Variants in NTNG1 observed in about 807,000 individuals in gnomAD.
NTNG1 encodes the protein netrin G1.
A neutral mutation model predicts 54.0 loss-of-function variants in NTNG1; 16 were observed. That is an observed-to-expected ratio of 0.30 (90% CI 0.20 to 0.45). The LOEUF (loss-of-function observed/expected upper bound fraction) is 0.45. Ranked by LOEUF, NTNG1 falls within the 20% of genes least tolerant of loss-of-function variation. NTNG1 has a pLI of 1.00. For synonymous variants in NTNG1, 255 were observed against 263.1 expected (o/e 0.97, Z 0.30); for missense variants, 530 against 678.7 (o/e 0.78, Z 2.43).
chr1:107,418,796 T>C (rs1010205492), intron 5 of NTNG1, among the ~76,000 whole-genome samples: 1 of 151,852 alleles, frequency 6.6e-6, no homozygotes, highest in South Asian at 2.1e-4. Context: ...ATATGAAGAG[T>C]GTCCCAAAAA....
chr1:107,361,759 C>T (rs978928173), intron 3 of NTNG1, among the ~76,000 whole-genome samples: 1 of 152,074 alleles, frequency 6.6e-6, no homozygotes, highest in Admixed American at 6.6e-5. Flanking sequence ...ATTTTTGACA[C>T]TCGGGAAATG....
In NTNG1 at chr1:107,151,999, CATAT is replaced by C. The variant is rs374098012; in HGVS notation, c.246+3168_246+3171del. ...AGAGGAATATATATATATGCACACA[CATAT>C]ATATATACACACACATACATATATA... is the stretch of plus-strand genomic sequence containing the variant. On this transcript the variant is annotated intron_variant, in intron 2 of 7. Transcript: ENST00000370068. Among the ~76,000 whole-genome samples the C allele has an allele frequency of 8.2e-3, 1,242 of 151,386 alleles. 23 individuals are homozygous for C. Among genetic ancestry groups the C allele is most frequent in the African/African-American group, 0.029 (1,189 of 41,260 alleles).
chr1:107,324,169 C>T, intron 2 of NTNG1, 113 bp from the exon 3 acceptor site: 1 of 944,376 alleles, frequency 1.1e-6, no homozygotes. Flanking sequence ...AAAATGATTA[C>T]TGAAAACAGA....
At chr1:107,444,739 T>A (rs1156872174) in intron 7 of NTNG1, among the ~76,000 whole-genome samples, 3 of 152,140 alleles carry the variant, frequency 2.0e-5, no homozygotes, top group African/African-American at 7.2e-5. Flanking sequence ...GTGAAAGGTG[T>A]ATGAAATGCT....
chr1:107,411,181 C>T (rs941034171), intron 5 of NTNG1, among the ~76,000 whole-genome samples: 2 of 36,662 alleles, frequency 5.5e-5, no homozygotes, highest in African/African-American at 1.2e-4. Flanking sequence ...GGCTATTCCT[C>T]TCCTGTCCCC....
rs1678917195 is a variant in NTNG1 at position 107,484,574 on chromosome 1, A to G, written c.*3734A>G. On this transcript the variant is annotated 3_prime_UTR_variant, in exon 8 of 8. Coordinates refer to ENST00000370068, the MANE Select transcript of NTNG1 (RefSeq NM_001113226.3). ...CCTAAGTTGGCACAAACTGCTAACCACATAACACAAAGAAAGGTCCAGGTT... is the reference window on the plus strand; with the variant it reads ...CCTAAGTTGGCACAAACTGCTAACCGCATAACACAAAGAAAGGTCCAGGTT... 6.6e-6 allele frequency among the ~76,000 whole-genome samples: 1 copy of G among 152,194 alleles called. No homozygotes were observed. Among genetic ancestry groups the G allele is most frequent in the African/African-American group, 2.4e-5 (1 of 41,450 alleles).
At chr1:107,170,141 G>A (rs558950873) in intron 2 of NTNG1, among the ~76,000 whole-genome samples, 30 of 152,236 alleles carry the variant, frequency 2.0e-4, no homozygotes, top group African/African-American at 6.7e-4. Flanking sequence ...ACTGGTGACT[G>A]TAGCCTAGAC....
intron 2 of NTNG1, among the ~76,000 whole-genome samples, chr1:107,161,660 CAAA>C (rs35347655): frequency 1.0e-5 from 1 of 95,266 alleles, no homozygotes; most frequent in Non-Finnish European, 2.3e-5. Context: ...AACTGTGTCT[CAAA>C]AAAAAAAAAA....
rs1220546823 is a variant in NTNG1, at chr1:107,430,751, T to C, written c.1089T>C (p.Asn363=). ...TCIPSISSIG[N]CECFGHSNRC... The stretch of plus-strand genomic sequence containing the variant: ...TACATTTCTGTTCTTCCTTGCAAGA[T>C]TGTGAATGCTTCGGCCACTCCAATC... Residue 363 remains asparagine (N), a splice_region_variant and synonymous_variant, in exon 6 of 8, where the codon AAT becomes AAC. Transcript: ENST00000370068. 1.2e-6 allele frequency: 2 copies of C among 1,613,208 alleles called. No individual in the cohort carries two copies. Among genetic ancestry groups the C allele is most frequent in the East Asian group, 2.2e-5 (1 of 44,796 alleles).
At chr1:107,478,231 A>G (rs512719) in intron 7 of NTNG1, among the ~76,000 whole-genome samples, 135,929 of 152,212 alleles carry the variant, frequency 0.89, 61,418 homozygotes, top group East Asian at 1. Flanking sequence ...TGGAGGACTA[A>G]CACAATCAAG....
chr1:107,216,182 T>C (rs1024464744), intron 2 of NTNG1, among the ~76,000 whole-genome samples: 1 of 152,176 alleles, frequency 6.6e-6, no homozygotes, highest in Non-Finnish European at 1.5e-5. Flanking sequence ...TCCAGTACTA[T>C]GTTGAATAGA....
intron 2 of NTNG1, among the ~76,000 whole-genome samples, chr1:107,274,856 G>T (rs780029255): frequency 2.0e-5 from 3 of 152,182 alleles, no homozygotes; most frequent in Non-Finnish European, 4.4e-5. Flanking sequence ...TATAATGGTT[G>T]CAGCACTGTG....
intron 2 of NTNG1, among the ~76,000 whole-genome samples, chr1:107,297,246 T>TATAC (rs1239725449): frequency 1.5e-5 from 1 of 67,274 alleles, no homozygotes; most frequent in African/African-American, 5.6e-5. Context: ...TATATATATA[T>TATAC]GCGCACACAC....
chr1:107,402,554 A>C (rs1046646472), intron 4 of NTNG1, among the ~76,000 whole-genome samples: 1 of 152,092 alleles, frequency 6.6e-6, no homozygotes. Context: ...CTACTGCTAT[A>C]AGATGACTGT....
At chr1:107,340,286 A>T (rs981840015) in intron 3 of NTNG1, among the ~76,000 whole-genome samples, 6 of 152,122 alleles carry the variant, frequency 3.9e-5, no homozygotes, top group African/African-American at 1.4e-4. Context: ...TGATAGGCAT[A>T]ACCAGTGGAG....
At chr1:107,301,876 C>A (rs925012924) in intron 2 of NTNG1, among the ~76,000 whole-genome samples, 3 of 152,188 alleles carry the variant, frequency 2.0e-5, no homozygotes, top group South Asian at 2.1e-4. Flanking sequence ...TGTTGTGAAT[C>A]TTTATGAGGG....
At chr1:107,197,564 CT>C (rs1279399758) in intron 2 of NTNG1, among the ~76,000 whole-genome samples, 36 of 152,072 alleles carry the variant, frequency 2.4e-4, no homozygotes, top group Middle Eastern at 6.8e-3. Flanking sequence ...TCTTTTTATG[CT>C]GATAAGGCGA....
chr1:107,182,083 C>G (rs945517940), intron 2 of NTNG1, among the ~76,000 whole-genome samples: 5 of 152,104 alleles, frequency 3.3e-5, no homozygotes, highest in African/African-American at 1.2e-4. Flanking sequence ...AACCCCCAAA[C>G]CAATGTGCAT....
chr1:107,252,452 C>A (rs910669019), intron 2 of NTNG1, among the ~76,000 whole-genome samples: 1 of 152,142 alleles, frequency 6.6e-6, no homozygotes, highest in African/African-American at 2.4e-5. Flanking sequence ...TATCTAAGAA[C>A]AGGAAATTGC....
Sources: allele counts gnomAD v4.1 joint callset (sites outside exome capture counted in the v4.1 genomes callset), GRCh38; gene constraint gnomAD v4.1.1; transcripts MANE v1.5; gene names NCBI Gene and HGNC (gene_info 2026-07-23, HGNC 2026-07-21).